The following WNT3 variants were observed in gnomAD, a reference collection of about 807,000 sequenced individuals.
The protein encoded by WNT3 is Wnt family member 3, also known as proto-oncogene Wnt-3.
In WNT3, 7 loss-of-function variants were observed where a neutral mutation model predicts 34.2. That is an observed-to-expected ratio of 0.20 (90% confidence interval 0.12 to 0.38). WNT3 has a LOEUF of 0.38. Among genes scored for constraint, WNT3 ranks in the 10% least tolerant of loss-of-function variants. The probability of loss-of-function intolerance (pLI) is 1.00; values close to 1 mark genes in which losing one functional copy is unlikely to be tolerated. For missense variants in WNT3, 267 were observed against 499.8 expected (o/e 0.53, Z 4.44); for synonymous variants, 212 against 211.5 (o/e 1.00, Z -0.02).
intron 4 of WNT3, among the ~76,000 whole-genome samples, chr17:46,765,533 G>C (rs2059304755): frequency 6.6e-6 from 1 of 152,244 alleles, no homozygotes; most frequent in African/African-American, 2.4e-5. Flanking sequence ...GGCCTGCTCT[G>C]CGACTCCCTT....
intron 1 of WNT3, among the ~76,000 whole-genome samples, chr17:46,787,369 G>A (rs1442532985): frequency 1.3e-5 from 2 of 152,216 alleles, no homozygotes; most frequent in African/African-American, 4.8e-5. Context: ...GGCCACGCAT[G>A]TTAGTGATTC....
chr17:46,780,688 A>G (rs2059452872), intron 1 of WNT3, among the ~76,000 whole-genome samples: 1 of 151,948 alleles, frequency 6.6e-6, no homozygotes. Context: ...GAGGCAGGAG[A>G]ATGGCATGAA....
At chr17:46,786,714 C>G (rs2059509539) in intron 1 of WNT3, among the ~76,000 whole-genome samples, 1 of 152,230 alleles carries the variant, frequency 6.6e-6, no homozygotes, top group South Asian at 2.1e-4. Flanking sequence ...CTCTCTGTTA[C>G]TGAGGATGTC....
intron 1 of WNT3, among the ~76,000 whole-genome samples, chr17:46,798,875 C>T (rs1443018144): frequency 6.6e-6 from 1 of 151,996 alleles, no homozygotes; most frequent in Non-Finnish European, 1.5e-5. Flanking sequence ...TGGGGAAACC[C>T]CATCTCTACT....
intron 1 of WNT3, among the ~76,000 whole-genome samples, chr17:46,800,766 G>A (rs1452105985): frequency 6.6e-6 from 1 of 152,148 alleles, no homozygotes; most frequent in African/African-American, 2.4e-5. Flanking sequence ...GAAAGATGAT[G>A]GAGAACTGGT....
intron 2 of WNT3, among the ~76,000 whole-genome samples, chr17:46,771,885 C>G (rs2059376367): frequency 6.9e-6 from 1 of 144,888 alleles, no homozygotes; most frequent in Non-Finnish European, 1.5e-5. Context: ...GGCGCCCGCC[C>G]CCGCCCCTGC....
intron 4 of WNT3, among the ~76,000 whole-genome samples, chr17:46,767,245 G>A (rs1002506985): frequency 6.6e-6 from 1 of 151,936 alleles, no homozygotes; most frequent in Non-Finnish European, 1.5e-5. Context: ...AAATCCACCC[G>A]CCTTTGATCC....
intron 1 of WNT3, among the ~76,000 whole-genome samples, chr17:46,812,168 C>A (rs1325725259): frequency 6.7e-6 from 1 of 150,032 alleles, no homozygotes; most frequent in Non-Finnish European, 1.5e-5. Context: ...GCTATTCCTG[C>A]AATCCTGGCC....
rs560375069 is a variant in WNT3, at chr17:46,767,438, T to C, written c.*8+874A>G. On this transcript the variant is annotated intron_variant, in intron 4 of 4. Transcript: ENST00000225512. ...GTACGATTTATGCTTGTGCAGGAAC[T>C]TGCCCTCTAAGTTCAAGGTGGATGC... Among the ~76,000 whole-genome samples the C allele has an allele frequency of 1.1e-3, 174 of 152,314 alleles. 1 individual carries two copies. The highest frequency in any genetic ancestry group is 4.0e-3 in the African/African-American group (168 of 41,564).
At chr17:46,795,149 C>T (rs1240579028) in intron 1 of WNT3, among the ~76,000 whole-genome samples, 5 of 152,102 alleles carry the variant, frequency 3.3e-5, no homozygotes, top group African/African-American at 9.7e-5. Flanking sequence ...TTCCCACCCT[C>T]GGGTGCTGAG....
intron 1 of WNT3, among the ~76,000 whole-genome samples, chr17:46,784,550 G>A (rs1683499937): frequency 6.6e-6 from 1 of 152,170 alleles, no homozygotes; most frequent in Admixed American, 6.5e-5. Context: ...GGGGGCCAAG[G>A]GGCAGCCAGC....
intron 1 of WNT3, among the ~76,000 whole-genome samples, chr17:46,808,725 T>C (rs2084229843): frequency 6.6e-6 from 1 of 152,054 alleles, no homozygotes; most frequent in African/African-American, 2.4e-5. Flanking sequence ...CTTAGACACT[T>C]AAGCATCGTG....
chr17:46,782,978 G>A (rs1372863781), intron 1 of WNT3, among the ~76,000 whole-genome samples: 1 of 152,226 alleles, frequency 6.6e-6, no homozygotes, highest in East Asian at 1.9e-4. Context: ...GTGGCTGTGG[G>A]AGAGCGCCAA....
chr17:46,800,968 T>A (rs1057044608), intron 1 of WNT3, among the ~76,000 whole-genome samples: 15 of 151,952 alleles, frequency 9.9e-5, no homozygotes, highest in African/African-American at 3.1e-4. Context: ...AGAAGTGAGG[T>A]GTGCACGAGA....
rs565090433 is a variant in WNT3 at position 46,778,196 on chromosome 17, G to A, written c.81-4287C>T. Reference sequence around the variant, plus strand: ...TCATTTCTCCCATCCTTGCATCCCTGACTTGGTAGAACACATCAGAAATCT... The same window carrying A: ...TCATTTCTCCCATCCTTGCATCCCTAACTTGGTAGAACACATCAGAAATCT... On this transcript the variant is annotated intron_variant, in intron 1 of 4. Transcript: ENST00000225512. Among the ~76,000 whole-genome samples, 9 of 152,252 alleles carry A rather than the reference G, an allele frequency of 5.9e-5. No individual in the cohort carries two copies. In the South Asian group the frequency reaches 1.9e-3, roughly 32 times the overall value.
In WNT3 at chr17:46,818,605, G is replaced by A; in HGVS notation, c.-8C>T. On this transcript the variant is annotated 5_prime_UTR_variant, in exon 1 of 5. Coordinates refer to ENST00000225512, the MANE Select transcript of WNT3 (RefSeq NM_030753.5). ...GAGCAGGTGGGGCTCCATTAGAAGA[G>A]GCGCCGAGGAGGAAGTTTGCCCGCG... 6.3e-7 allele frequency: 1 copy of A among 1,591,352 alleles called. No individual in the cohort carries two copies. The highest frequency in any genetic ancestry group is 8.6e-7 in the Non-Finnish European group (1 of 1,169,144).
At chr17:46,786,604 T>C (rs957322423) in intron 1 of WNT3, among the ~76,000 whole-genome samples, 3 of 152,242 alleles carry the variant, frequency 2.0e-5, no homozygotes, top group Admixed American at 6.5e-5. Context: ...TTCTCCACTT[T>C]GCTGCGCAGT....
chr17:46,769,315 CA>C (rs60504646), intron 3 of WNT3, among the ~76,000 whole-genome samples: 51,635 of 102,294 alleles, frequency 0.5, 8,696 homozygotes, highest in South Asian at 0.61. Flanking sequence ...GACTCCGTCT[CA>C]AAAAAAAAAA....
intron 1 of WNT3, among the ~76,000 whole-genome samples, chr17:46,783,470 C>A (rs2059478879): frequency 6.6e-6 from 1 of 152,216 alleles, no homozygotes. Flanking sequence ...TTAATGAAGC[C>A]ACACCTGAGG....
Sources: gnomAD v4.1 joint callset for allele counts (sites outside exome capture counted in the v4.1 genomes callset) on GRCh38, gnomAD v4.1.1 for gene constraint, MANE v1.5 for transcripts, NCBI Gene and HGNC (gene_info 2026-07-23, HGNC 2026-07-21) for gene names.